The following PRPF8 variants were observed in gnomAD, a reference collection of about 807,000 sequenced individuals.
PRPF8 encodes the protein pre-mRNA-processing-splicing factor 8.
A neutral mutation model predicts 285.9 loss-of-function variants in PRPF8; 64 were observed. The ratio of observed to expected loss-of-function variants is 0.22; its 90% confidence interval spans 0.18 to 0.28. The LOEUF is 0.28. Among genes scored for constraint, PRPF8 ranks in the 10% least tolerant of loss-of-function variants. The pLI is 1.00. For missense variants in PRPF8, 1,426 were observed against 3,026.7 expected (o/e 0.47, Z 12.41); for synonymous variants, 1,325 against 1,118.2 (o/e 1.18, Z -3.69).
chr17:1,658,164 A>G lies in PRPF8; in HGVS notation c.5505+89T>C. On this transcript the variant is annotated intron_variant, in intron 34 of 42. Transcript: ENST00000304992. The surrounding 1 kb of genome is among the most constrained non-coding windows in gnomAD (Gnocchi z 4.1). ...TCAAATGAGATGTTCTCAGCCTTTC[A>G]TCTAATAAACCAGTAAATATTACCA... 6.3e-7 allele frequency: 1 copy of G among 1,588,474 alleles called. No homozygotes were observed. The highest frequency in any genetic ancestry group is 8.6e-7 in the Non-Finnish European group (1 of 1,161,024).
Position 1,680,925 on chromosome 17 carries a change from T to C in PRPF8, c.992+4A>G, listed in dbSNP as rs1912883610. Reference sequence around the variant, plus strand: ...TTCCAAATGTTGTGTTCCAGGTCTCTTACCAGGTGAGGTGGACATGGTGTG... The same window carrying C: ...TTCCAAATGTTGTGTTCCAGGTCTCCTACCAGGTGAGGTGGACATGGTGTG... On this transcript the variant is annotated splice_donor_region_variant and intron_variant, in intron 7 of 42. Transcript: ENST00000304992. The C allele has an allele frequency of 6.2e-7, 1 of 1,614,050 alleles. No individual in the cohort carries two copies. Among genetic ancestry groups the C allele is most frequent in the Non-Finnish European group, 8.5e-7 (1 of 1,180,028 alleles).
At position 1,653,231 on chromosome 17, in the gene PRPF8, T is replaced by C. The variant is rs2151110959; in HGVS notation, c.6369+311A>G. On this transcript the variant is annotated intron_variant, in intron 39 of 42. Transcript: ENST00000304992. This position sits in a 1 kb window ranked among gnomAD's most constrained non-coding sequence, Gnocchi z 4.9. The stretch of plus-strand genomic sequence containing the variant: ...CTGGGATTATAGGCATTAGCCACTG[T>C]GCCCAGCCGAGTGTTGGGATTACAG... The C allele has an allele frequency of 4.0e-6, 2 of 500,704 alleles. No homozygotes were observed. Among genetic ancestry groups the C allele is most frequent in the Non-Finnish European group, 7.3e-6 (2 of 274,402 alleles). The allele number at this position is 500,704 out of a possible 1,614,324, so 31.0% of individuals were successfully genotyped here.
intron 24 of PRPF8, among the ~76,000 whole-genome samples, chr17:1,667,250 T>C (rs1912042557): frequency 6.6e-6 from 1 of 152,178 alleles, no homozygotes; most frequent in African/African-American, 2.4e-5. Context: ...CCATTAGGTT[T>C]AGTAAATTCT....
Position 1,679,465 on chromosome 17 carries a change from A to T in PRPF8, c.1290-55T>A. ...CATCTCTTCTTCCAGACACTCTGCT[A>T]AAGGCTGCAAGCCTTGGGTTGTCTA... On this transcript the variant is annotated intron_variant, in intron 9 of 42. Coordinates refer to ENST00000304992, the MANE Select transcript of PRPF8 (RefSeq NM_006445.4). This position sits in a 1 kb window ranked among gnomAD's most constrained non-coding sequence, Gnocchi z 4.7. 2 of 1,611,862 alleles carry T rather than the reference A, an allele frequency of 1.2e-6. No homozygotes were observed. The highest frequency in any genetic ancestry group is 2.2e-5 in the South Asian group (2 of 90,982).
rs1389042603 is a variant in PRPF8 at position 1,678,498 on chromosome 17, CAGTA to C, written c.1854+16_1854+19del. The C allele has an allele frequency of 6.2e-7, 1 of 1,613,918 alleles. No homozygotes were observed. The highest frequency in any genetic ancestry group is 1.3e-5 in the African/African-American group (1 of 74,896). The stretch of plus-strand genomic sequence containing the variant: ...GACTCTGTCTCAAAAAAAAGAAAGT[CAGTA>C]AAGTCAAGGTCTCACCGTGTTGAAA... On this transcript the variant is annotated intron_variant, in intron 13 of 42. Transcript: ENST00000304992.
rs182897865 is a variant in PRPF8 at position 1,680,408 on chromosome 17, A to G, written c.1098+318T>C. The G allele has an allele frequency of 2.8e-3, 1,251 of 451,568 alleles. 3 individuals are homozygous for G. Among genetic ancestry groups the G allele is most frequent in the Middle Eastern group, 3.2e-3 (5 of 1,584 alleles). The allele number at this position is 451,568 out of a possible 1,614,324, so 28.0% of individuals were successfully genotyped here. A position where few individuals can be genotyped will look rare whatever the true frequency, so the allele number is the denominator to read the frequency against. On this transcript the variant is annotated intron_variant, in intron 8 of 42. Transcript: ENST00000304992. ...CCATCAAATTACACACTTTAAATGG[A>G]TAACTTGTATGGTATGTTAACTACA... is the stretch of plus-strand genomic sequence containing the variant.
rs199905743 is a variant in PRPF8 at position 1,659,032 on chromosome 17, T to C, written c.5139-269A>G. On this transcript the variant is annotated intron_variant, in intron 32 of 42. Transcript: ENST00000304992. This position sits in a 1 kb window ranked among gnomAD's most constrained non-coding sequence, Gnocchi z 5.1. ...ATTATTTATTTATTTATTATTATTA[T>C]TATTTTTCTTTGAGATGGAGTCTCA... 8.2e-6 allele frequency: 4 copies of C among 489,572 alleles called. No homozygotes were observed. In the South Asian group the frequency reaches 9.1e-5, roughly 11 times the overall value. 30.3% of individuals were successfully genotyped at this position (489,572 alleles called of 1,614,324 possible).
At chr17:1,669,930 G>A (rs540090222) in intron 24 of PRPF8, among the ~76,000 whole-genome samples, 23 of 152,142 alleles carry the variant, frequency 1.5e-4, no homozygotes, top group Non-Finnish European at 3.2e-4. Flanking sequence ...TTTGTGGATA[G>A]GCTCCGAAAT....
In PRPF8 at chr17:1,675,429, T is replaced by A; in HGVS notation, c.2873-90A>T. On this transcript the variant is annotated intron_variant, in intron 19 of 42. Transcript: ENST00000304992. The surrounding 1 kb of genome is among the most constrained non-coding windows in gnomAD (Gnocchi z 6.0). The stretch of plus-strand genomic sequence containing the variant: ...AACTATCATTACCTTCCATAACCAA[T>A]CCCACTATGATTCCACGTATTCATT... 6.6e-7 allele frequency: 1 copy of A among 1,504,754 alleles called. No individual in the cohort carries two copies. The allele number at this position is 1,504,754 out of a possible 1,614,324, so 93.2% of individuals were successfully genotyped here.
At chr17:1,652,292 G>A (rs145053069) in intron 39 of PRPF8, 1 of 273,548 alleles carries the variant, frequency 3.7e-6, no homozygotes, top group Admixed American at 4.9e-5. Context: ...AGGCTGGAGT[G>A]CAGTGGTGTG....
In PRPF8 at chr17:1,659,970, A is replaced by G; in HGVS notation, c.4817T>C (p.Ile1606Thr). The change falls in exon 31 of 43, where the codon ATT becomes ACT. Residue 1606 changes from isoleucine (I) to threonine (T), a missense_variant. Around this residue, in one of 34 missense-constraint regions of PRPF8, gnomAD observed 4 missense variants for 16.7 expected, o/e 0.24. Coordinates refer to ENST00000304992, the MANE Select transcript of PRPF8 (RefSeq NM_006445.4). The surrounding 1 kb of genome is among the most constrained non-coding windows in gnomAD (Gnocchi z 5.1). The stretch of plus-strand genomic sequence containing the variant: ...GATTGTCTCCTTTTGTACTGTCTCA[A>G]TTTCCAGTGCATCAAGTTCCTGGTC... ...VFDQELDALE[I>T]ETVQKETIHP... 6.2e-7 allele frequency: 1 copy of G among 1,614,142 alleles called. No individual in the cohort carries two copies. The highest frequency in any genetic ancestry group is 1.1e-5 in the South Asian group (1 of 91,082).
intron 2 of PRPF8, 99 bp from the exon 3 acceptor site, chr17:1,683,800 A>C (rs1000478752): frequency 2.1e-6 from 3 of 1,397,130 alleles, no homozygotes; most frequent in Non-Finnish European, 3.0e-6. Context: ...GTGAGGGAGA[A>C]GCAGGCACCA....
At chr17:1,662,692 A>C (rs1370735340) in intron 24 of PRPF8, among the ~76,000 whole-genome samples, 1 of 150,910 alleles carries the variant, frequency 6.6e-6, no homozygotes, top group Non-Finnish European at 1.5e-5. Flanking sequence ...ACCTGAGGTC[A>C]GGAGTTCAAG....
Position 1,659,457 on chromosome 17 carries a change from C to A in PRPF8, c.5038G>T (p.Ala1680Ser), listed in dbSNP as rs1298791789. The A allele has an allele frequency of 3.7e-6, 6 of 1,613,922 alleles. No individual in the cohort carries two copies. The highest frequency in any genetic ancestry group is 5.1e-6 in the Non-Finnish European group (6 of 1,179,998). The change falls in exon 32 of 43, where the codon GCC becomes TCC. Residue 1680 changes from alanine to serine, a missense_variant. Physicochemically the swap from Ala to Ser is moderately conservative, Grantham distance 99. This residue lies in a region of PRPF8 where 74 missense variants were observed against 161.8 expected (regional missense o/e 0.46). Coordinates refer to ENST00000304992, the MANE Select transcript of PRPF8 (RefSeq NM_006445.4). The surrounding 1 kb of genome is among the most constrained non-coding windows in gnomAD (Gnocchi z 5.1). The part of the protein sequence containing the change: ...DYDSHDIERY[A>S]RAKFLDYTTD... ...GTGTAGTCCAGGAACTTGGCCCGGG[C>A]GTAGCGCTCAATGTCGTGGGAATCA... is the stretch of plus-strand genomic sequence containing the variant.
intron 24 of PRPF8, among the ~76,000 whole-genome samples, chr17:1,662,400 C>T (rs947716569): frequency 6.6e-6 from 1 of 152,046 alleles, no homozygotes; most frequent in Non-Finnish European, 1.5e-5. Flanking sequence ...ACCAGCCTGG[C>T]CAACATGGCA....
intron 36 of PRPF8, 90 bp from the exon 37 acceptor site, chr17:1,655,633 T>G: frequency 1.6e-6 from 2 of 1,246,320 alleles, no homozygotes; most frequent in Non-Finnish European, 2.3e-6. Context: ...AAGAATTTTT[T>G]TTTTTTCTTT....
chr17:1,663,690 C>A (rs528082281), intron 24 of PRPF8, among the ~76,000 whole-genome samples: 43 of 111,204 alleles, frequency 3.9e-4, no homozygotes, highest in African/African-American at 1.6e-3. Flanking sequence ...GCCTGGGCAA[C>A]CAAGGAAGAG....
At chr17:1,677,268 T>A in intron 14 of PRPF8, 96 bp from the exon 15 acceptor site, 1 of 1,266,954 alleles carries the variant, frequency 7.9e-7, no homozygotes, top group Non-Finnish European at 1.1e-6. Context: ...TGGTTATTAA[T>A]AAAATTAGGT....
rs753272464 is a variant in PRPF8 at position 1,658,391 on chromosome 17, G to A, written c.5377-10C>T. Reference sequence around the variant, plus strand: ...AGTTCCCTTCAAAGGTCTAGAGGAGGACGGCATTCGTTAGCATGGCCTACA... The same window carrying A: ...AGTTCCCTTCAAAGGTCTAGAGGAGAACGGCATTCGTTAGCATGGCCTACA... On this transcript the variant is annotated splice_polypyrimidine_tract_variant and intron_variant, in intron 33 of 42. Transcript: ENST00000304992. This position sits in a 1 kb window ranked among gnomAD's most constrained non-coding sequence, Gnocchi z 4.1. The A allele has an allele frequency of 6.2e-7, 1 of 1,614,160 alleles. No homozygotes were observed. Among genetic ancestry groups the A allele is most frequent in the South Asian group, 1.1e-5 (1 of 91,078 alleles).
Sources: allele counts gnomAD v4.1 joint callset (sites outside exome capture counted in the v4.1 genomes callset), GRCh38; gene constraint gnomAD v4.1.1; regional missense constraint gnomAD v4.1.1; non-coding constraint Gnocchi (gnomAD v3.1); transcripts MANE v1.5; gene names NCBI Gene and HGNC (gene_info 2026-07-23, HGNC 2026-07-21).